The following ARHGEF3 variants were observed in gnomAD, a reference collection of about 807,000 sequenced individuals.
ARHGEF3 encodes 59.8 kDA protein.
Under a neutral mutation model 63.2 loss-of-function variants are expected in ARHGEF3, and 28 were observed. The ratio of observed to expected loss-of-function variants is 0.44; its 90% CI spans 0.33 to 0.61. ARHGEF3 has a LOEUF of 0.61. Ranked by LOEUF, ARHGEF3 falls within the 20% of genes least tolerant of loss-of-function variation. ARHGEF3 has a pLI of 0.03. For missense variants in ARHGEF3, 533 were observed against 659.3 expected, an observed-to-expected ratio of 0.81 and a Z score of 2.10; for synonymous variants, 266 against 254.2, an observed-to-expected ratio of 1.05 and a Z score of -0.44.
At chr3:57,039,690 G>A (rs543467602) in intron 1 of ARHGEF3, among the ~76,000 whole-genome samples, 4 of 152,142 alleles carry the variant, frequency 2.6e-5, no homozygotes, top group East Asian at 1.9e-4. Context: ...TGCATTCCTC[G>A]GCTTGTGGCT....
At position 57,074,432 on chromosome 3, in the gene ARHGEF3, A is replaced by ACTTCC; in HGVS notation, c.-28+4789_-28+4793dup. 4.8e-6 allele frequency: 3 copies of ACTTCC among 629,950 alleles called. No homozygotes were observed. The South Asian group carries it at 6.0e-5, about 13-fold the overall frequency. 39.0% of individuals were successfully genotyped at this position (629,950 alleles called of 1,614,324 possible). A position where few individuals can be genotyped will look rare whatever the true frequency, so the allele number is the denominator to read the frequency against. Reference sequence around the variant, plus strand: ...TTTTTCCAAGAAGCCTCCCTGTCACACTTCCCCAATATCACAGATGAAGAA... The same window carrying ACTTCC: ...TTTTTCCAAGAAGCCTCCCTGTCACACTTCCCTTCCCCAATATCACAGATGAAGAA... On this transcript the variant is annotated intron_variant, in intron 1 of 12. Coordinates refer to the ARHGEF3 transcript ENST00000338458.
intron 7 of ARHGEF3, among the ~76,000 whole-genome samples, chr3:56,738,360 A>G (rs1016475658): frequency 5.3e-5 from 8 of 151,698 alleles, no homozygotes; most frequent in African/African-American, 7.3e-5. Context: ...TTTGGTAGAG[A>G]CGGGTTTCAC....
chr3:56,905,688 A>G (rs2041661193), intron 3 of ARHGEF3, among the ~76,000 whole-genome samples: 1 of 152,252 alleles, frequency 6.6e-6, no homozygotes, highest in Non-Finnish European at 1.5e-5. Context: ...CCTACTGGCC[A>G]TGTATAAAAG....
At chr3:56,895,149 G>A (rs1469115470) in intron 3 of ARHGEF3, among the ~76,000 whole-genome samples, 2 of 151,918 alleles carry the variant, frequency 1.3e-5, no homozygotes, top group Admixed American at 6.6e-5. Flanking sequence ...AAAGACAGCT[G>A]CAGGAAGAAA....
chr3:57,036,256 G>C (rs1314407338), intron 1 of ARHGEF3, among the ~76,000 whole-genome samples: 8 of 152,142 alleles, frequency 5.3e-5, no homozygotes, highest in Non-Finnish European at 5.9e-5. Flanking sequence ...GAAGAATACA[G>C]AGGGCATCTC....
intron 7 of ARHGEF3, among the ~76,000 whole-genome samples, chr3:56,739,992 T>C (rs1481436939): frequency 6.6e-6 from 1 of 151,748 alleles, no homozygotes; most frequent in African/African-American, 2.4e-5. Flanking sequence ...CTCCGCCTCC[T>C]GGATTCAAGC....
At chr3:56,840,093 G>A (rs1433428749) in intron 4 of ARHGEF3, among the ~76,000 whole-genome samples, 1 of 152,100 alleles carries the variant, frequency 6.6e-6, no homozygotes, top group Non-Finnish European at 1.5e-5. Flanking sequence ...CTTCTTCTTA[G>A]GTGGATATTT....
intron 3 of ARHGEF3, among the ~76,000 whole-genome samples, chr3:56,957,480 CAA>C (rs1423826954): frequency 2.0e-5 from 3 of 152,188 alleles, no homozygotes; most frequent in Non-Finnish European, 1.5e-5. Flanking sequence ...ATTCATCTGA[CAA>C]ATTAATTAAG....
intron 4 of ARHGEF3, among the ~76,000 whole-genome samples, chr3:56,807,369 A>G (rs573899254): frequency 6.6e-6 from 1 of 152,318 alleles, no homozygotes; most frequent in South Asian, 2.1e-4. Flanking sequence ...AATAAGGCCA[A>G]TTTTAAAATG....
At chr3:56,793,469 A>G (rs889904187) in intron 1 of ARHGEF3, among the ~76,000 whole-genome samples, 2 of 150,888 alleles carry the variant, frequency 1.3e-5, no homozygotes, top group African/African-American at 4.9e-5. Flanking sequence ...GTGCCCAGCA[A>G]TTTTTGTATT....
In ARHGEF3 at chr3:56,768,118, G is replaced by A. The variant is rs926620257; in HGVS notation, c.204+5591C>T. On this transcript the variant is annotated intron_variant, in intron 2 of 9. Coordinates refer to ENST00000296315, the MANE Select transcript of ARHGEF3 (RefSeq NM_019555.3). ...GTCACCCAGGCTGGAGTACAGTGGC[G>A]CAATCTCTGCTCGCTGTGACCTCTG... Among the ~76,000 whole-genome samples the A allele has an allele frequency of 6.6e-5, 10 of 152,180 alleles. No individual in the cohort carries two copies. In the East Asian group the frequency reaches 1.4e-3, roughly 21 times the overall value.
At chr3:56,953,649 C>A (rs1207598681) in intron 3 of ARHGEF3, among the ~76,000 whole-genome samples, 1 of 152,166 alleles carries the variant, frequency 6.6e-6, no homozygotes, top group African/African-American at 2.4e-5. Context: ...ATCTTCTTGA[C>A]CATAGCGATT....
At chr3:56,945,359 C>T (rs1352881682) in intron 3 of ARHGEF3, among the ~76,000 whole-genome samples, 1 of 152,172 alleles carries the variant, frequency 6.6e-6, no homozygotes, top group African/African-American at 2.4e-5. Flanking sequence ...AGGGAATTCC[C>T]TTTCCTAGTA....
chr3:56,974,910 A>T (rs1470691152), intron 2 of ARHGEF3, among the ~76,000 whole-genome samples: 3 of 151,656 alleles, frequency 2.0e-5, no homozygotes, highest in African/African-American at 4.9e-5. Context: ...TCTAACCAGG[A>T]CTCCTTGTTT....
intron 4 of ARHGEF3, among the ~76,000 whole-genome samples, chr3:56,831,819 C>G (rs974161646): frequency 6.6e-6 from 1 of 152,236 alleles, no homozygotes; most frequent in African/African-American, 2.4e-5. Context: ...TTGACAGAAA[C>G]AGAAATGGCT....
intron 1 of ARHGEF3, among the ~76,000 whole-genome samples, chr3:56,796,423 C>A (rs563872907): frequency 6.6e-6 from 1 of 152,292 alleles, no homozygotes; most frequent in Admixed American, 6.5e-5. Context: ...GACGGTGGCA[C>A]CTCCACACAG....
intron 2 of ARHGEF3, among the ~76,000 whole-genome samples, chr3:56,989,835 T>C (rs1218802911): frequency 6.6e-6 from 1 of 152,188 alleles, no homozygotes; most frequent in Non-Finnish European, 1.5e-5. Flanking sequence ...AACCCCTTCA[T>C]CACTTCACAG....
At chr3:56,943,529 T>G (rs111278158) in intron 3 of ARHGEF3, among the ~76,000 whole-genome samples, 6 of 152,202 alleles carry the variant, frequency 3.9e-5, no homozygotes, top group Non-Finnish European at 7.4e-5. Context: ...ACAAGGAGAT[T>G]AATGCTGTTT....
At chr3:56,967,692 CATA>C (rs1480157623) in intron 2 of ARHGEF3, among the ~76,000 whole-genome samples, 2 of 68,256 alleles carry the variant, frequency 2.9e-5, no homozygotes, top group Non-Finnish European at 4.9e-5. Flanking sequence ...TTATATATAA[CATA>C]ATAAACATTA....
Sources: gnomAD v4.1 joint callset for allele counts (sites outside exome capture counted in the v4.1 genomes callset) on GRCh38, gnomAD v4.1.1 for gene constraint, MANE v1.5 for transcripts, NCBI Gene and HGNC (gene_info 2026-07-23, HGNC 2026-07-21) for gene names.